PARP12: variants seen among roughly 807,000 people sequenced by gnomAD.
PARP12 encodes the protein protein mono-ADP-ribosyltransferase PARP12.
Under a neutral mutation model 72.4 loss-of-function variants are expected in PARP12, and 59 were observed. The ratio of observed to expected loss-of-function variants is 0.81; its 90% CI spans 0.66 to 1.01. PARP12 has a LOEUF of 1.01. PARP12 is among the 50% of genes least tolerant of loss of function. The pLI, the probability that PARP12 is intolerant of heterozygous loss-of-function variation, is 0.00. For synonymous variants in PARP12, 403 were observed against 371.4 expected (o/e 1.09, Z -0.98); for missense variants, 851 against 914.0 (o/e 0.93, Z 0.89).
chr7:140,054,266 T>C (rs1817091453), intron 4 of PARP12, among the ~76,000 whole-genome samples: 1 of 152,204 alleles, frequency 6.6e-6, no homozygotes, highest in Non-Finnish European at 1.5e-5. Context: ...CACAAGTGTT[T>C]CCTTCGCAGT....
chr7:140,040,690 C>T (rs911724494), intron 6 of PARP12, among the ~76,000 whole-genome samples: 4 of 152,198 alleles, frequency 2.6e-5, no homozygotes, highest in Admixed American at 6.5e-5. Context: ...TCAATATAGC[C>T]TCTTGAAACC....
intron 8 of PARP12, among the ~76,000 whole-genome samples, chr7:140,032,685 T>C (rs1041207039): frequency 6.6e-6 from 1 of 152,222 alleles, no homozygotes; most frequent in African/African-American, 2.4e-5. Context: ...TCATGATCTA[T>C]TTTTAAGTGA....
At chr7:140,035,923 GGAC>G (rs1816144417) in intron 7 of PARP12, among the ~76,000 whole-genome samples, 2 of 127,158 alleles carry the variant, frequency 1.6e-5, no homozygotes, top group African/African-American at 3.2e-5. Flanking sequence ...ACAAGGAGGA[GGAC>G]AAGGAGGAGG....
At chr7:140,047,078 C>T in intron 4 of PARP12, 71 bp from the exon 5 acceptor site, 1 of 1,510,244 alleles carries the variant, frequency 6.6e-7, no homozygotes, top group Non-Finnish European at 8.9e-7. Context: ...TGGTTGTCAA[C>T]AGGTGTGGTG....
At chr7:140,032,150 TAAGA>T (rs1021276719) in intron 8 of PARP12, among the ~76,000 whole-genome samples, 4 of 152,002 alleles carry the variant, frequency 2.6e-5, no homozygotes, top group African/African-American at 4.8e-5. Flanking sequence ...ACCTCACTCC[TAAGA>T]GAGAGCAAAC....
At chr7:140,030,533 G>A (rs1815899330) in intron 8 of PARP12, among the ~76,000 whole-genome samples, 1 of 152,252 alleles carries the variant, frequency 6.6e-6, no homozygotes. Flanking sequence ...AAGAGGCGGA[G>A]GTTGCAGTGA....
Position 140,049,814 on chromosome 7 carries a change from A to G in PARP12, c.863-2807T>C, listed in dbSNP as rs147876784. On this transcript the variant is annotated intron_variant, in intron 4 of 11. Coordinates refer to ENST00000263549, the MANE Select transcript of PARP12 (RefSeq NM_022750.4). ...CAGCCACAGCAGCTGGTGAGAGCCTAGTCCCAGCACAGCGGTAGAGACATA... is the reference window on the plus strand; with the variant it reads ...CAGCCACAGCAGCTGGTGAGAGCCTGGTCCCAGCACAGCGGTAGAGACATA... Among the ~76,000 whole-genome samples the G allele has an allele frequency of 8.5e-4, 129 of 152,330 alleles. 2 individuals are homozygous for G. In the East Asian group the frequency reaches 0.022, roughly 26 times the overall value.
Position 140,046,833 on chromosome 7 carries a change from T to TGTGTGTGTGTGTGTGTGTCA in PARP12, c.986+50_986+51insTGACACACACACACACACAC, listed in dbSNP as rs1554514730. ...GTGTGTGTGTGTGTGTGTGTGTGTGTCACACACAGAAGCCCAGGCACAAAG... is the reference window on the plus strand; with the variant it reads ...GTGTGTGTGTGTGTGTGTGTGTGTGTGTGTGTGTGTGTGTGTGTCACACACACAGAAGCCCAGGCACAAAG... On this transcript the variant is annotated intron_variant, in intron 5 of 11. Coordinates refer to ENST00000263549, the MANE Select transcript of PARP12 (RefSeq NM_022750.4). The TGTGTGTGTGTGTGTGTGTCA allele has an allele frequency of 1.7e-4, 205 of 1,188,212 alleles. 10 individuals carry two copies. The highest frequency in any genetic ancestry group is 8.5e-4 in the Admixed American group (32 of 37,702). The allele number at this position is 1,188,212 out of a possible 1,614,324, so 73.6% of individuals were successfully genotyped here.
chr7:140,054,830 T>G, intron 3 of PARP12, 67 bp from the exon 4 acceptor site: 1 of 1,348,992 alleles, frequency 7.4e-7, no homozygotes, highest in East Asian at 2.3e-5. Flanking sequence ...TTAAAGAGGA[T>G]TCATTCAGTT....
At chr7:140,061,751 GAGAC>G (rs532650076) in intron 1 of PARP12, among the ~76,000 whole-genome samples, 9 of 152,192 alleles carry the variant, frequency 5.9e-5, no homozygotes, top group Non-Finnish European at 1.2e-4. Flanking sequence ...AAGTGCTGGG[GAGAC>G]AGCTGGAGCC....
In PARP12 at chr7:140,041,590, CCT is replaced by C. The variant is rs1051855084; in HGVS notation, c.1182+52_1182+53del. ...ACAATATGGGGGCTCTTATTTGGCT[CCT>C]CTCTTACAGATCCTCAGGACAAAAC... is the stretch of plus-strand genomic sequence containing the variant. On this transcript the variant is annotated intron_variant, in intron 6 of 11. Transcript: ENST00000263549. 5.5e-5 allele frequency: 84 copies of C among 1,538,484 alleles called. No individual in the cohort carries two copies. In the African/African-American group the frequency reaches 6.3e-4, roughly 12 times the overall value.
Position 140,024,572 on chromosome 7 carries a change from G to A in PARP12, c.2094C>T (p.Ser698=). The change falls in exon 12 of 12, where the codon AGC becomes AGT. Residue 698 remains serine (S), a synonymous_variant. Coordinates refer to ENST00000263549, the MANE Select transcript of PARP12 (RefSeq NM_022750.4). ...CACTCCTGTGCGCTCACTGTCGGCT[G>A]CTGAACAGGGAGCCCAAGGCCAGCA... ...SILLALGSLF[S]SRQ is the part of the protein sequence containing the mutation. 6.2e-7 allele frequency: 1 copy of A among 1,614,200 alleles called. No homozygotes were observed. Among genetic ancestry groups the A allele is most frequent in the Non-Finnish European group, 8.5e-7 (1 of 1,180,028 alleles).
At position 140,026,352 on chromosome 7, in the gene PARP12, G is replaced by GA. The variant is rs1815738176; in HGVS notation, c.1629-5dup. On this transcript the variant is annotated splice_region_variant and splice_polypyrimidine_tract_variant and intron_variant, in intron 10 of 11. Coordinates refer to ENST00000263549, the MANE Select transcript of PARP12 (RefSeq NM_022750.4). ...CTTCTGCATCTGTCCTTTTTGCCTA[G>GA]AATCACAGAAGAATGTGTGCTGGGG... 1.2e-6 allele frequency: 2 copies of GA among 1,607,178 alleles called. No individual in the cohort carries two copies. Among genetic ancestry groups the GA allele is most frequent in the Non-Finnish European group, 1.7e-6 (2 of 1,178,574 alleles).
intron 6 of PARP12, 37 bp downstream of exon 6, chr7:140,041,607 C>T (rs1490888424): frequency 2.5e-6 from 4 of 1,584,640 alleles, no homozygotes; most frequent in African/African-American, 1.3e-5. Flanking sequence ...TACAGATCCT[C>T]AGGACAAAAC....
At chr7:140,040,862 C>T (rs1816436595) in intron 6 of PARP12, among the ~76,000 whole-genome samples, 1 of 152,168 alleles carries the variant, frequency 6.6e-6, no homozygotes, top group South Asian at 2.1e-4. Flanking sequence ...CTCCCGGGTT[C>T]AAGTGATTCT....
rs764510406 is a variant in PARP12, at chr7:140,057,148, G to A, written c.468C>T (p.Cys156=). The A allele has an allele frequency of 1.9e-6, 3 of 1,611,000 alleles. No individual in the cohort carries two copies. The highest frequency in any genetic ancestry group is 2.2e-5 in the South Asian group (2 of 90,704). The stretch of plus-strand genomic sequence containing the variant: ...GTCCATCTCCTTTGTTGTAATGTTG[G>A]CAAATCTGTTGACAGAGAGGGAAAA... ...QNDPWLLPEI[C]QHYNKGDGPH... The change falls in exon 3 of 12, where the codon TGC becomes TGT. Residue 156 remains cysteine, a synonymous_variant. Transcript: ENST00000263549.
intron 3 of PARP12, among the ~76,000 whole-genome samples, chr7:140,055,808 G>A (rs960722854): frequency 6.6e-6 from 1 of 152,206 alleles, no homozygotes; most frequent in African/African-American, 2.4e-5. Flanking sequence ...TGAAGACAAT[G>A]TAAAGAAAAA....
intron 4 of PARP12, among the ~76,000 whole-genome samples, chr7:140,050,612 C>A (rs942571238): frequency 3.9e-5 from 6 of 152,134 alleles, no homozygotes; most frequent in Non-Finnish European, 8.8e-5. Context: ...GAAAACAATT[C>A]AAAGAGAGGC....
chr7:140,054,958 T>C (rs1817122634), intron 3 of PARP12, among the ~76,000 whole-genome samples, 195 bp from the exon 4 acceptor site: 1 of 152,256 alleles, frequency 6.6e-6, no homozygotes, highest in South Asian at 2.1e-4. Context: ...TGACGCCACA[T>C]GGCTGCTTGC....
Sources: gnomAD v4.1 joint callset for allele counts (sites outside exome capture counted in the v4.1 genomes callset) on GRCh38, gnomAD v4.1.1 for gene constraint, MANE v1.5 for transcripts, NCBI Gene and HGNC (gene_info 2026-07-23, HGNC 2026-07-21) for gene names.